The following SHISAL2A variants were observed in gnomAD, a reference collection of about 807,000 sequenced individuals.
SHISAL2A encodes the protein protein shisa-like-2A.
Under a neutral mutation model 11.5 loss-of-function variants are expected in SHISAL2A, and 18 were observed. That is an observed-to-expected ratio of 1.57 (90% CI 1.08 to 2.33). The LOEUF is 2.33. SHISAL2A is among the 30% of genes most tolerant of loss of function. SHISAL2A has a pLI of 0.00. For synonymous variants in SHISAL2A, 94 were observed against 99.6 expected (o/e 0.94, Z 0.34); for missense variants, 261 against 250.9 (o/e 1.04, Z -0.27).
intron 2 of SHISAL2A, 68 bp from the exon 3 acceptor site, chr1:52,656,722 G>T (rs1348438337): frequency 9.2e-6 from 14 of 1,521,946 alleles, no homozygotes; most frequent in Non-Finnish European, 1.1e-5. Context: ...CACCAGAGAA[G>T]TCAGCTGGGG....
At chr1:52,653,986 G>A (rs1318646660) in intron 2 of SHISAL2A, among the ~76,000 whole-genome samples, 1 of 152,210 alleles carries the variant, frequency 6.6e-6, no homozygotes, top group Non-Finnish European at 1.5e-5. Flanking sequence ...ATACCAGAAT[G>A]AGGACTTGAG....
chr1:52,646,814 G>C (rs1691512341), intron 2 of SHISAL2A, among the ~76,000 whole-genome samples: 1 of 151,954 alleles, frequency 6.6e-6, no homozygotes, highest in Non-Finnish European at 1.5e-5. Context: ...TGATTTCACT[G>C]TTTTGTTTTG....
intron 2 of SHISAL2A, among the ~76,000 whole-genome samples, chr1:52,654,394 T>C (rs1022795394): frequency 2.0e-5 from 3 of 152,182 alleles, no homozygotes; most frequent in African/African-American, 7.2e-5. Context: ...TTTTAAGACT[T>C]ATTGTATAGC....
rs531367406 is a variant in SHISAL2A, at chr1:52,635,972, T to A, written c.182+2297T>A. 1.5e-4 allele frequency among the ~76,000 whole-genome samples: 23 copies of A among 152,392 alleles called. No individual in the cohort carries two copies. In the South Asian group the frequency reaches 4.1e-3, roughly 27 times the overall value. The stretch of plus-strand genomic sequence containing the variant: ...TTTCTCTTACTGTGATAATATTCAC[T>A]AGGGCACTTTCACAACATTCACCTA... On this transcript the variant is annotated intron_variant, in intron 1 of 2. Coordinates refer to ENST00000517870, the MANE Select transcript of SHISAL2A (RefSeq NM_001042693.3).
intron 2 of SHISAL2A, among the ~76,000 whole-genome samples, chr1:52,653,478 A>G (rs973431734): frequency 7.3e-5 from 11 of 151,702 alleles, no homozygotes; most frequent in African/African-American, 2.7e-4. Context: ...GAAAACTACA[A>G]AATGCTTAGC....
chr1:52,647,736 C>T (rs992269780), intron 2 of SHISAL2A, among the ~76,000 whole-genome samples: 2 of 151,602 alleles, frequency 1.3e-5, no homozygotes, highest in Non-Finnish European at 2.9e-5. Context: ...ATCCAGCTAC[C>T]TGGGGAGCTA....
At chr1:52,667,171 C>T (rs1216390731) in intron 4 of SHISAL2A, among the ~76,000 whole-genome samples, 3 of 152,196 alleles carry the variant, frequency 2.0e-5, no homozygotes, top group South Asian at 4.1e-4. Flanking sequence ...GGTAATATTA[C>T]ATTTTACAGG....
At chr1:52,646,631 T>C (rs1437175984) in intron 2 of SHISAL2A, among the ~76,000 whole-genome samples, 1 of 152,106 alleles carries the variant, frequency 6.6e-6, no homozygotes, top group Non-Finnish European at 1.5e-5. Flanking sequence ...CTGAGGTCAT[T>C]TGTAAATGTG....
At chr1:52,647,728 C>G (rs1052552090) in intron 2 of SHISAL2A, among the ~76,000 whole-genome samples, 7 of 151,894 alleles carry the variant, frequency 4.6e-5, no homozygotes, top group Non-Finnish European at 7.4e-5. Context: ...GCCTGTAGAT[C>G]CAGCTACCTG....
intron 2 of SHISAL2A, among the ~76,000 whole-genome samples, chr1:52,649,364 G>C (rs903081109): frequency 6.6e-6 from 1 of 152,168 alleles, no homozygotes; most frequent in Non-Finnish European, 1.5e-5. Context: ...GTGTCACTGC[G>C]ATGTCAACCC....
At chr1:52,660,894 A>G (rs988004860), downstream of SHISAL2A, among the ~76,000 whole-genome samples, 1 of 152,198 alleles carries the variant, frequency 6.6e-6, no homozygotes, top group Non-Finnish European at 1.5e-5. Flanking sequence ...AAAGATCCCT[A>G]ATCTAGCCAA....
chr1:52,636,206 A>G (rs548988336), intron 1 of SHISAL2A, among the ~76,000 whole-genome samples: 1 of 46,696 alleles, frequency 2.1e-5, no homozygotes, highest in African/African-American at 9.6e-5. Context: ...GGTGATAGAG[A>G]TATTTGTGTG....
rs1327057368 is a variant in SHISAL2A, at chr1:52,633,297, G to C, written c.-197G>C. On this transcript the variant is annotated 5_prime_UTR_variant, in exon 1 of 3. Transcript: ENST00000517870. The surrounding 1 kb of genome is among the most constrained non-coding windows in gnomAD (Gnocchi z 6.4). Reference sequence around the variant, plus strand: ...CCCGCCTGCCCCTACCCCTCCGCGCGGGCCGGGCACCTGGCCGCCGCTCGG... The same window carrying C: ...CCCGCCTGCCCCTACCCCTCCGCGCCGGCCGGGCACCTGGCCGCCGCTCGG... 6 of 470,820 alleles carry C rather than the reference G, an allele frequency of 1.3e-5. No homozygotes were observed. Among genetic ancestry groups the C allele is most frequent in the Non-Finnish European group, 2.2e-5 (6 of 278,656 alleles). 29.2% of individuals were successfully genotyped at this position (470,820 alleles called of 1,614,324 possible).
intron 5 of SHISAL2A, among the ~76,000 whole-genome samples, chr1:52,668,056 G>A (rs577248307): frequency 6.6e-6 from 1 of 152,318 alleles, no homozygotes; most frequent in African/African-American, 2.4e-5. Context: ...GGGCCCAGAA[G>A]AAAGGCCATG....
At chr1:52,645,221 G>A (rs1400712622) in intron 2 of SHISAL2A, among the ~76,000 whole-genome samples, 4 of 152,142 alleles carry the variant, frequency 2.6e-5, no homozygotes, top group African/African-American at 9.7e-5. Context: ...TGATGACTGT[G>A]AATAATCCAG....
rs56655042 is a variant in SHISAL2A at position 52,645,396 on chromosome 1, C to CGTTTTGTTTT, written c.322+2414_322+2423dup. Reference sequence around the variant, plus strand: ...AGACCAGAGACAACTGAGGCTTCAACGTTTTGTTTTGTTTTGTTTTGTTTT... The same window carrying CGTTTTGTTTT: ...AGACCAGAGACAACTGAGGCTTCAACGTTTTGTTTTGTTTTGTTTTGTTTTGTTTTGTTTT... On this transcript the variant is annotated intron_variant, in intron 2 of 2. Coordinates refer to ENST00000517870, the MANE Select transcript of SHISAL2A (RefSeq NM_001042693.3). Among the ~76,000 whole-genome samples, 212 of 150,286 alleles carry CGTTTTGTTTT rather than the reference C, an allele frequency of 1.4e-3. 3 individuals carry two copies. The highest frequency in any genetic ancestry group is 3.4e-3 in the African/African-American group (141 of 40,984).
Position 52,633,834 on chromosome 1 carries a change from A to G in SHISAL2A, c.182+159A>G, listed in dbSNP as rs953863691. ...AGCATCAACCACCCCGTGAAACCCC[A>G]TCTCAGCTCGATTTCCTCATCCTGA... On this transcript the variant is annotated intron_variant, in intron 1 of 2. Transcript: ENST00000517870. This position sits in a 1 kb window ranked among gnomAD's most constrained non-coding sequence, Gnocchi z 6.4. 6.6e-6 allele frequency among the ~76,000 whole-genome samples: 1 copy of G among 151,368 alleles called. No homozygotes were observed. Among genetic ancestry groups the G allele is most frequent in the Non-Finnish European group, 1.5e-5 (1 of 67,842 alleles).
chr1:52,640,969 C>T (rs1691351298), intron 1 of SHISAL2A, among the ~76,000 whole-genome samples: 1 of 152,118 alleles, frequency 6.6e-6, no homozygotes, highest in Non-Finnish European at 1.5e-5. Context: ...CAATGGTAAT[C>T]AATCATGCCT....
intron 2 of SHISAL2A, among the ~76,000 whole-genome samples, chr1:52,654,224 T>TATAG (rs55929422): frequency 0.52 from 76,204 of 147,524 alleles, 20,626 homozygotes; most frequent in Middle Eastern, 0.62. Context: ...ATGGCAGTTT[T>TATAG]ATAGATAGAT....
Sources: gnomAD v4.1 joint callset for allele counts (sites outside exome capture counted in the v4.1 genomes callset) on GRCh38, gnomAD v4.1.1 for gene constraint, Gnocchi (gnomAD v3.1) non-coding constraint, MANE v1.5 for transcripts, NCBI Gene and HGNC (gene_info 2026-07-23, HGNC 2026-07-21) for gene names.